The following P4HB variants were observed in gnomAD, a reference collection of about 807,000 sequenced individuals.
The protein encoded by P4HB is prolyl 4-hydroxylase subunit beta.
A neutral mutation model predicts 52.6 loss-of-function variants in P4HB; 20 were observed. The ratio of observed to expected loss-of-function variants is 0.38; its 90% CI spans 0.27 to 0.55. P4HB has a LOEUF of 0.55. Among genes scored for constraint, P4HB ranks in the 20% least tolerant of loss-of-function variants. P4HB has a pLI of 0.74. For missense variants in P4HB, 601 were observed against 669.2 expected, an observed-to-expected ratio of 0.90 and a Z score of 1.12; for synonymous variants, 296 against 277.9, an observed-to-expected ratio of 1.07 and a Z score of -0.65.
intron 4 of P4HB, 38 bp from the exon 5 acceptor site, chr17:81,847,385 C>T: frequency 1.3e-6 from 2 of 1,549,320 alleles, no homozygotes; most frequent in Non-Finnish European, 1.8e-6. Context: ...AGCATTGCTG[C>T]TGGGAGCACA....
intron 4 of P4HB, among the ~76,000 whole-genome samples, chr17:81,853,792 G>A (rs374061919): frequency 3.9e-5 from 6 of 152,000 alleles, no homozygotes; most frequent in Admixed American, 2.0e-4. Flanking sequence ...CTCCTCTCCC[G>A]AGACTTTCTC....
chr17:81,857,661 TG>T (rs1270150708), intron 2 of P4HB, among the ~76,000 whole-genome samples: 9 of 152,262 alleles, frequency 5.9e-5, no homozygotes, highest in Non-Finnish European at 1.3e-4. Context: ...TTCTCGCCAA[TG>T]GCCCACCCTC....
At chr17:81,844,868 T>C (rs998966157) in intron 10 of P4HB, among the ~76,000 whole-genome samples, 3 of 152,212 alleles carry the variant, frequency 2.0e-5, no homozygotes, top group African/African-American at 7.2e-5. Flanking sequence ...ACCGGTGCCA[T>C]GTGTCTGAAA....
chr17:81,845,313 G>A (rs1399996158), intron 9 of P4HB, 83 bp from the exon 10 acceptor site: 4 of 1,194,978 alleles, frequency 3.3e-6, no homozygotes, highest in South Asian at 1.3e-5. Context: ...CCTAGAGAAA[G>A]GCAGAGCAGG....
intron 10 of P4HB, 140 bp downstream of exon 10, chr17:81,845,004 T>C (rs1336556923): frequency 6.0e-6 from 4 of 668,906 alleles, no homozygotes; most frequent in East Asian, 2.7e-5. Flanking sequence ...TGGGCGAAGG[T>C]GTGGGGCCCC....
Position 81,843,235 on chromosome 17 carries a change from A to G in P4HB, c.*777T>C, listed in dbSNP as rs1271285576. 1 of 368,136 alleles carries G rather than the reference A, an allele frequency of 2.7e-6. No homozygotes were observed. Among genetic ancestry groups the G allele is most frequent in the African/African-American group, 2.1e-5 (1 of 48,084 alleles). The allele number at this position is 368,136 out of a possible 1,614,324, so 22.8% of individuals were successfully genotyped here. A position where few individuals can be genotyped will look rare whatever the true frequency, so the allele number is the denominator to read the frequency against. Reference sequence around the variant, plus strand: ...AAATAGAAATGCCTGAAGAACTGTCAGCGTCTGATTCAGCTCCAGCATCCT... The same window carrying G: ...AAATAGAAATGCCTGAAGAACTGTCGGCGTCTGATTCAGCTCCAGCATCCT... On this transcript the variant is annotated 3_prime_UTR_variant, in exon 11 of 11. Coordinates refer to ENST00000331483, the MANE Select transcript of P4HB (RefSeq NM_000918.4).
chr17:81,858,421 G>C (rs992875689), intron 2 of P4HB, among the ~76,000 whole-genome samples: 9 of 152,108 alleles, frequency 5.9e-5, no homozygotes, highest in Non-Finnish European at 1.0e-4. Context: ...GCTGCCACTA[G>C]AACAGGACAG....
intron 10 of P4HB, among the ~76,000 whole-genome samples, chr17:81,844,500 T>A (rs2038702849): frequency 6.6e-6 from 1 of 152,002 alleles, no homozygotes; most frequent in Non-Finnish European, 1.5e-5. Context: ...CCATTCTACT[T>A]CCAACCCTTG....
In P4HB at chr17:81,845,130, G is replaced by A. The variant is rs199687627; in HGVS notation, c.1446+14C>T. On this transcript the variant is annotated intron_variant, in intron 10 of 10. Transcript: ENST00000331483. Reference sequence around the variant, plus strand: ...GAATCCCAGAGACCAGCCCAGGGCTGTGACCCCACTCACGTCATCATCCCC... The same window carrying A: ...GAATCCCAGAGACCAGCCCAGGGCTATGACCCCACTCACGTCATCATCCCC... 5 of 1,599,872 alleles carry A rather than the reference G, an allele frequency of 3.1e-6. No individual in the cohort carries two copies. Among genetic ancestry groups the A allele is most frequent in the African/African-American group, 2.7e-5 (2 of 74,632 alleles).
chr17:81,853,796 C>G (rs1318655302), intron 4 of P4HB, among the ~76,000 whole-genome samples: 2 of 152,302 alleles, frequency 1.3e-5, no homozygotes, highest in East Asian at 3.9e-4. Context: ...TCTCCCGAGA[C>G]TTTCTCTCCT....
At position 81,854,885 on chromosome 17, in the gene P4HB, G is replaced by GA. The variant is rs371026014; in HGVS notation, c.624+256dup. Among the ~76,000 whole-genome samples the GA allele has an allele frequency of 0.033, 4,387 of 131,254 alleles. 191 individuals carry two copies. Among genetic ancestry groups the GA allele is most frequent in the African/African-American group, 0.095 (3,404 of 35,708 alleles). 86.1% of individuals were successfully genotyped at this position (131,254 alleles called of 152,430 possible). ...TGTTGTTACATGTTTTATCATAATT[G>GA]AAAAAAAAAAAAAAGCTAACAGTCA... On this transcript the variant is annotated intron_variant, in intron 4 of 10. Coordinates refer to ENST00000331483, the MANE Select transcript of P4HB (RefSeq NM_000918.4).
Position 81,846,189 on chromosome 17 carries a change from C to T in P4HB, c.1057-198G>A, listed in dbSNP as rs577557755. On this transcript the variant is annotated intron_variant, in intron 7 of 10. Coordinates refer to ENST00000331483, the MANE Select transcript of P4HB (RefSeq NM_000918.4). This position sits in a 1 kb window ranked among gnomAD's most constrained non-coding sequence, Gnocchi z 5.7. ...CTGGGCCCAATGAGCCCACGCAGGC[C>T]GCACCCTCGCCGGCCAGGAGGTTTC... Among the ~76,000 whole-genome samples the T allele has an allele frequency of 6.6e-6, 1 of 152,362 alleles. No individual in the cohort carries two copies. The highest frequency in any genetic ancestry group is 6.5e-5 in the Admixed American group (1 of 15,304).
In P4HB at chr17:81,847,041, T is replaced by C. The variant is rs1308789062; in HGVS notation, c.761A>G (p.Lys254Arg). The C allele has an allele frequency of 1.9e-6, 3 of 1,613,966 alleles. No homozygotes were observed. Among genetic ancestry groups the C allele is most frequent in the African/African-American group, 1.3e-5 (1 of 74,948 alleles). Residue 254 changes from lysine to arginine, a missense_variant, in exon 6 of 11, where the codon AAG becomes AGG. By Grantham distance (26) the Lys-to-Arg change is conservative. Transcript: ENST00000331483. ...TAPKIFGGEI[K>R]THILLFLPKS... is the part of the protein sequence containing the mutation. ...GGGCAAGAACAGCAGGATGTGAGTCTTGATTTCACCTCCAAAAATCTTCGG... is the reference window on the plus strand; with the variant it reads ...GGGCAAGAACAGCAGGATGTGAGTCCTGATTTCACCTCCAAAAATCTTCGG...
chr17:81,846,123 A>G lies in P4HB; in HGVS notation c.1057-132T>C. On this transcript the variant is annotated intron_variant, in intron 7 of 10. Coordinates refer to ENST00000331483, the MANE Select transcript of P4HB (RefSeq NM_000918.4). This position sits in a 1 kb window ranked among gnomAD's most constrained non-coding sequence, Gnocchi z 5.7. The stretch of plus-strand genomic sequence containing the variant: ...ACCAGGGTGGCAGCCGCAGACACCA[A>G]CAGTGCCAAGAATCCAGAAAGAGAA... 2 of 1,178,856 alleles carry G rather than the reference A, an allele frequency of 1.7e-6. No homozygotes were observed. Among genetic ancestry groups the G allele is most frequent in the South Asian group, 3.2e-5 (2 of 62,110 alleles). The allele number at this position is 1,178,856 out of a possible 1,614,324, so 73.0% of individuals were successfully genotyped here.
Position 81,855,426 on chromosome 17 carries a change from G to A in P4HB, c.486+27C>T, listed in dbSNP as rs777154689. 10 of 1,600,856 alleles carry A rather than the reference G, an allele frequency of 6.2e-6. No homozygotes were observed. The East Asian group carries it at 2.2e-4, about 36-fold the overall frequency. ...CCTCCTCAATGGATGACGGAAGGAAGGAAGACTGGAATGCTCTGGTCTCTA... is the reference window on the plus strand; with the variant it reads ...CCTCCTCAATGGATGACGGAAGGAAAGAAGACTGGAATGCTCTGGTCTCTA... On this transcript the variant is annotated intron_variant, in intron 3 of 10. Coordinates refer to ENST00000331483, the MANE Select transcript of P4HB (RefSeq NM_000918.4). This position sits in a 1 kb window ranked among gnomAD's most constrained non-coding sequence, Gnocchi z 4.3.
At chr17:81,847,407 C>T (rs960755991) in intron 4 of P4HB, 60 bp from the exon 5 acceptor site, 20 of 1,444,464 alleles carry the variant, frequency 1.4e-5, no homozygotes, top group Admixed American at 6.7e-5. Context: ...CCCCTGGGCC[C>T]GGGTCTCCCT....
Position 81,847,001 on chromosome 17 carries a change from G to C in P4HB, c.801C>G (p.Asp267Glu), listed in dbSNP as rs769222792. ...TGAAGTTGCTCAGTTTGCCGTCATAGTCAGACACACTCTTGGGCAAGAACA... is the reference window on the plus strand; with the variant it reads ...TGAAGTTGCTCAGTTTGCCGTCATACTCAGACACACTCTTGGGCAAGAACA... ...ILLFLPKSVS[D>E]YDGKLSNFKT... Residue 267 changes from aspartate (D) to glutamate (E), a missense_variant, in exon 6 of 11, where the codon GAC becomes GAG. By Grantham distance (45) the Asp-to-Glu change is conservative. Coordinates refer to ENST00000331483, the MANE Select transcript of P4HB (RefSeq NM_000918.4). The C allele has an allele frequency of 6.2e-7, 1 of 1,614,106 alleles. No homozygotes were observed. Among genetic ancestry groups the C allele is most frequent in the Non-Finnish European group, 8.5e-7 (1 of 1,180,022 alleles).
At chr17:81,844,151 GC>G (rs2038695697) in intron 10 of P4HB, 59 bp from the exon 11 acceptor site, 11 of 1,199,054 alleles carry the variant, frequency 9.2e-6, no homozygotes, top group Non-Finnish European at 1.4e-5. Context: ...GAGGCTGCCG[GC>G]CCCCAGCACC....
rs760517822 is a variant in P4HB at position 81,847,284 on chromosome 17, T to G, written c.688A>C (p.Lys230Gln). ...ATGACAAGGGGCAGCTGGTTGTGTTTGATAAAGTCCAGCAGGTTCTCCTTG... is the reference window on the plus strand; with the variant it reads ...ATGACAAGGGGCAGCTGGTTGTGTTGGATAAAGTCCAGCAGGTTCTCCTTG... ...VTKENLLDFIKHNQLPLVIEF... is the reference protein window; with the variant it reads ...VTKENLLDFIQHNQLPLVIEF... Residue 230 changes from lysine to glutamine, a missense_variant, in exon 5 of 11, where the codon AAA becomes CAA. Transcript: ENST00000331483. The G allele has an allele frequency of 1.2e-6, 2 of 1,614,024 alleles. No homozygotes were observed. The highest frequency in any genetic ancestry group is 2.7e-5 in the African/African-American group (2 of 74,932).
Sources: allele counts gnomAD v4.1 joint callset (sites outside exome capture counted in the v4.1 genomes callset), GRCh38; gene constraint gnomAD v4.1.1; non-coding constraint Gnocchi (gnomAD v3.1); transcripts MANE v1.5; gene names NCBI Gene and HGNC (gene_info 2026-07-23, HGNC 2026-07-21).